Variants in CIMIP1 observed in about 807,000 individuals in gnomAD.
CIMIP1 encodes the protein low in lung cancer 1.
At chr20:58,160,613 G>T in the CIMIP1 span, 1 of 1,579,004 alleles carries the variant, frequency 6.3e-7, no homozygotes, top group Non-Finnish European at 8.6e-7. Context: ...TGGGTGCCTC[G>T]TGTCTCTGTG....
the CIMIP1 span, chr20:58,155,554 G>A: frequency 1.2e-6 from 2 of 1,613,938 alleles, no homozygotes; most frequent in Non-Finnish European, 1.7e-6. Context: ...TGACCCCAGT[G>A]GAGAAGTACA....
chr20:58,157,678 G>A, the CIMIP1 span, among the ~76,000 whole-genome samples: 4 of 152,226 alleles, frequency 2.6e-5, no homozygotes, highest in African/African-American at 7.2e-5. Context: ...GGTTGTATCC[G>A]GCATGAGATT....
chr20:58,150,991 G>A, the CIMIP1 span: 5 of 1,609,020 alleles, frequency 3.1e-6, no homozygotes, highest in South Asian at 1.1e-5. Flanking sequence ...TCAGCACCGC[G>A]GCGGCTGAAC....
chr20:58,160,908 A>C, the CIMIP1 span: 1 of 1,451,792 alleles, frequency 6.9e-7, no homozygotes, highest in Non-Finnish European at 9.3e-7. Flanking sequence ...GCTCCCCTGA[A>C]TCCCGAGGAC....
the CIMIP1 span, among the ~76,000 whole-genome samples, chr20:58,156,292 C>T: frequency 1.3e-5 from 2 of 152,104 alleles, no homozygotes; most frequent in African/African-American, 4.8e-5. Flanking sequence ...GGAAGGGGCC[C>T]TTTGAGCTGA....
chr20:58,159,183 C>T, the CIMIP1 span, among the ~76,000 whole-genome samples: 45 of 104,064 alleles, frequency 4.3e-4, no homozygotes, highest in East Asian at 1.0e-3. Flanking sequence ...GCACTTTCTT[C>T]TTTTTTTTTT....
the CIMIP1 span, chr20:58,151,142 C>T: frequency 2.8e-6 from 3 of 1,053,496 alleles, no homozygotes; most frequent in South Asian, 1.4e-5. Context: ...CCACTAAACT[C>T]GAGGGGCAGA....
chr20:58,153,138 C>A, the CIMIP1 span, among the ~76,000 whole-genome samples: 1 of 152,174 alleles, frequency 6.6e-6, no homozygotes, highest in Non-Finnish European at 1.5e-5. Flanking sequence ...TTAGGAAATG[C>A]TCCACGTCAA....
At chr20:58,152,559 C>T in the CIMIP1 span, among the ~76,000 whole-genome samples, 1 of 151,900 alleles carries the variant, frequency 6.6e-6, no homozygotes, top group Non-Finnish European at 1.5e-5. Flanking sequence ...CCCATCTCTA[C>T]TAAAAATACA....
the CIMIP1 span, chr20:58,155,321 G>A: frequency 1.6e-6 from 1 of 616,552 alleles, no homozygotes; most frequent in East Asian, 2.9e-5. Flanking sequence ...CCCCACTTCT[G>A]TGTCTATAAA....
chr20:58,159,736 C>T, the CIMIP1 span, among the ~76,000 whole-genome samples: 1 of 152,158 alleles, frequency 6.6e-6, no homozygotes, highest in Admixed American at 6.5e-5. Flanking sequence ...GAGCTGCTTC[C>T]CTTCTGAACA....
the CIMIP1 span, among the ~76,000 whole-genome samples, chr20:58,159,568 G>A: frequency 1.6e-3 from 240 of 151,442 alleles, 1 homozygote; most frequent in African/African-American, 5.7e-3. Flanking sequence ...CTCCTATAAT[G>A]CCCTTGTTAG....
chr20:58,158,455 C>A, the CIMIP1 span, among the ~76,000 whole-genome samples: 7 of 152,194 alleles, frequency 4.6e-5, no homozygotes, highest in African/African-American at 1.7e-4. Context: ...TTGAGACCAT[C>A]CTGGCTAACA....
At chr20:58,156,035 C>A in the CIMIP1 span, among the ~76,000 whole-genome samples, 26 of 152,304 alleles carry the variant, frequency 1.7e-4, no homozygotes, top group African/African-American at 6.3e-4. Flanking sequence ...TCAGGGAGTA[C>A]CCTCAGGGTT....
the CIMIP1 span, chr20:58,155,336 G>A: frequency 2.0e-5 from 13 of 651,876 alleles, no homozygotes; most frequent in East Asian, 5.7e-5. Context: ...TATAAAATGC[G>A]CCTTCTAGGG....
chr20:58,158,469 T>C, the CIMIP1 span, among the ~76,000 whole-genome samples: 1 of 152,112 alleles, frequency 6.6e-6, no homozygotes, highest in Non-Finnish European at 1.5e-5. Flanking sequence ...GCTAACACGG[T>C]GAAACCCCAT....
chr20:58,155,631 G>A, the CIMIP1 span: 1 of 1,390,154 alleles, frequency 7.2e-7, no homozygotes. Flanking sequence ...TAAGAAATAA[G>A]CCCCAGTGGA....
the CIMIP1 span, among the ~76,000 whole-genome samples, chr20:58,155,181 G>A: frequency 6.6e-6 from 1 of 152,244 alleles, no homozygotes; most frequent in Non-Finnish European, 1.5e-5. Flanking sequence ...TGTAAATCAG[G>A]AGGCTGTGGT....
chr20:58,156,586 C>T, the CIMIP1 span, among the ~76,000 whole-genome samples: 1 of 152,110 alleles, frequency 6.6e-6, no homozygotes, highest in Non-Finnish European at 1.5e-5. Flanking sequence ...AAAGGCAAGA[C>T]CTGCCTATTG....
Sources: allele counts gnomAD v4.1 joint callset (sites outside exome capture counted in the v4.1 genomes callset), GRCh38; gene constraint gnomAD v4.1.1; transcripts MANE v1.5; gene names NCBI Gene and HGNC (gene_info 2026-07-23, HGNC 2026-07-21).